Variants in NFIB observed in about 807,000 individuals in gnomAD.
NFIB encodes nuclear factor I B.
NFIB carries 11 observed loss-of-function variants against 61.5 expected under a neutral mutation model. The observed-to-expected ratio is 0.18, with a 90% CI of 0.11 to 0.30. NFIB has a LOEUF of 0.30. Among genes scored for constraint, NFIB ranks in the 10% least tolerant of loss-of-function variants. NFIB has a pLI of 1.00. For missense variants in NFIB, 471 were observed against 608.9 expected, an observed-to-expected ratio of 0.77 and a Z score of 2.38; for synonymous variants, 260 against 216.5, an observed-to-expected ratio of 1.20 and a Z score of -1.76.
intron 2 of NFIB, among the ~76,000 whole-genome samples, chr9:14,209,601 C>A (rs2050100078): frequency 6.6e-6 from 1 of 152,176 alleles, no homozygotes; most frequent in Non-Finnish European, 1.5e-5. Context: ...CAGCAGGCAG[C>A]CTGTATGGAA....
intron 2 of NFIB, among the ~76,000 whole-genome samples, chr9:14,215,133 A>G (rs1554675650): frequency 6.6e-6 from 1 of 151,298 alleles, no homozygotes; most frequent in Non-Finnish European, 1.5e-5. Context: ...AAGCTCAACA[A>G]TTGGGTGCTT....
At chr9:14,492,255 C>A in the NFIB span, among the ~76,000 whole-genome samples, 3 of 151,736 alleles carry the variant, frequency 2.0e-5, no homozygotes, top group Non-Finnish European at 4.4e-5. Context: ...CCCAGCTACT[C>A]GGGAGGCTGA....
At chr9:14,494,913 G>A in the NFIB span, among the ~76,000 whole-genome samples, 15 of 152,152 alleles carry the variant, frequency 9.9e-5, no homozygotes, top group African/African-American at 9.6e-5. Context: ...CCTTAAAATC[G>A]TCACAACTGC....
chr9:14,282,150 G>C (rs2058416163), intron 2 of NFIB, among the ~76,000 whole-genome samples: 1 of 152,082 alleles, frequency 6.6e-6, no homozygotes, highest in Non-Finnish European at 1.5e-5. Context: ...ATTATTTGGA[G>C]GGCAATTTTT....
chr9:14,103,349 G>C (rs139589640), intron 10 of NFIB, among the ~76,000 whole-genome samples: 5 of 147,068 alleles, frequency 3.4e-5, no homozygotes, highest in South Asian at 2.4e-4. Context: ...GGTTGGGGGG[G>C]GGGAAACACA....
chr9:14,257,537 C>T (rs2056339707), intron 2 of NFIB, among the ~76,000 whole-genome samples: 1 of 152,134 alleles, frequency 6.6e-6, no homozygotes. Flanking sequence ...GGGTGGATCA[C>T]CTGAGTCGGG....
the NFIB span, among the ~76,000 whole-genome samples, chr9:14,417,995 T>C: frequency 3.9e-5 from 6 of 152,098 alleles, no homozygotes; most frequent in East Asian, 1.2e-3. Flanking sequence ...GTCAGGCTGG[T>C]CTTGAACTCC....
chr9:14,159,061 T>C (rs925560148), intron 3 of NFIB, among the ~76,000 whole-genome samples: 8 of 152,200 alleles, frequency 5.3e-5, no homozygotes, highest in African/African-American at 1.9e-4. Flanking sequence ...TCCTAAGTCA[T>C]GACCATTAAG....
At chr9:14,238,281 AC>A (rs1031898709) in intron 2 of NFIB, among the ~76,000 whole-genome samples, 2 of 152,130 alleles carry the variant, frequency 1.3e-5, no homozygotes, top group African/African-American at 4.8e-5. Context: ...AGAGTGACTC[AC>A]TGGGGAGAGG....
At chr9:14,519,438 T>C in the NFIB span, among the ~76,000 whole-genome samples, 1 of 152,162 alleles carries the variant, frequency 6.6e-6, no homozygotes, top group Admixed American at 6.5e-5. Context: ...GCAAAGTCTT[T>C]GTGGAAATTG....
At chr9:14,528,883 T>G in the NFIB span, among the ~76,000 whole-genome samples, 6 of 152,172 alleles carry the variant, frequency 3.9e-5, no homozygotes, top group Non-Finnish European at 7.4e-5. Context: ...TTAGGAGATA[T>G]GTCTTTAATA....
the NFIB span, among the ~76,000 whole-genome samples, chr9:14,459,049 G>T: frequency 3.3e-5 from 5 of 152,132 alleles, no homozygotes; most frequent in African/African-American, 1.2e-4. Context: ...AAAAGAGCCC[G>T]CATTGCCAAG....
intron 4 of NFIB, 26 bp from the exon 5 acceptor site, chr9:14,150,291 G>A (rs2042721039): frequency 6.2e-7 from 1 of 1,612,584 alleles, no homozygotes; most frequent in African/African-American, 1.3e-5. Flanking sequence ...AAGAAGCACT[G>A]GGAATGACAT....
intron 1 of NFIB, among the ~76,000 whole-genome samples, chr9:14,336,523 G>T (rs1422873024): frequency 6.6e-6 from 1 of 152,074 alleles, no homozygotes; most frequent in Non-Finnish European, 1.5e-5. Context: ...GGCATTGCTG[G>T]GTGTTTTGTA....
intron 2 of NFIB, among the ~76,000 whole-genome samples, chr9:14,243,125 T>C (rs1190637683): frequency 1.3e-5 from 2 of 152,200 alleles, no homozygotes; most frequent in African/African-American, 4.8e-5. Flanking sequence ...GAGAACATTT[T>C]AGTCATCAAG....
the NFIB span, among the ~76,000 whole-genome samples, chr9:14,496,609 C>T: frequency 1.3e-5 from 2 of 152,104 alleles, no homozygotes; most frequent in African/African-American, 2.4e-5. Flanking sequence ...CATTGGGAAC[C>T]CTTGGCACCT....
chr9:14,216,401 G>T (rs2050863255), intron 2 of NFIB, among the ~76,000 whole-genome samples: 1 of 152,054 alleles, frequency 6.6e-6, no homozygotes, highest in African/African-American at 2.4e-5. Context: ...ACTAAAAAAG[G>T]TCTGGTTTGA....
intron 6 of NFIB, among the ~76,000 whole-genome samples, chr9:14,139,925 T>C (rs1385812200): frequency 6.6e-6 from 1 of 152,178 alleles, no homozygotes. Context: ...AATGCCAGGG[T>C]AGTACCTAGA....
chr9:14,409,528 C>G, the NFIB span, among the ~76,000 whole-genome samples: 1 of 152,154 alleles, frequency 6.6e-6, no homozygotes, highest in Non-Finnish European at 1.5e-5. Context: ...ACGGCTCTTT[C>G]TTTGAAGGGA....
Sources: allele counts gnomAD v4.1 joint callset (sites outside exome capture counted in the v4.1 genomes callset), GRCh38; gene constraint gnomAD v4.1.1; transcripts MANE v1.5; gene names NCBI Gene and HGNC (gene_info 2026-07-23, HGNC 2026-07-21).